TSC22D1: variants seen among roughly 807,000 people sequenced by gnomAD.
The protein encoded by TSC22D1 is TSC22 domain family member 1.
A neutral mutation model predicts 74.2 loss-of-function variants in TSC22D1; 9 were observed. That is an observed-to-expected ratio of 0.12 (90% confidence interval 0.07 to 0.21). The LOEUF (loss-of-function observed/expected upper bound fraction) is 0.21. TSC22D1 is among the 10% of genes least tolerant of loss of function. The pLI is 1.00. For missense variants in TSC22D1, 1,427 were observed against 1,304.7 expected (o/e 1.09, Z -1.44); for synonymous variants, 586 against 492.5 (o/e 1.19, Z -2.51).
chr13:44,464,470 G>T (rs1028476265), intron 1 of TSC22D1, among the ~76,000 whole-genome samples: 2 of 152,094 alleles, frequency 1.3e-5, no homozygotes, highest in African/African-American at 4.8e-5. Context: ...AATTTGTCTA[G>T]GATTACAGAT....
chr13:44,533,412 A>G (rs1044970315), intron 1 of TSC22D1, among the ~76,000 whole-genome samples: 5 of 149,600 alleles, frequency 3.3e-5, no homozygotes, highest in South Asian at 2.1e-4. Flanking sequence ...GTGAGCTGAG[A>G]TCTTGCCACT....
intron 1 of TSC22D1, among the ~76,000 whole-genome samples, chr13:44,488,499 C>T (rs1466079653): frequency 1.3e-5 from 2 of 152,062 alleles, no homozygotes; most frequent in Non-Finnish European, 2.9e-5. Context: ...ATAAGGCTAA[C>T]GTTGCATTTC....
intron 1 of TSC22D1, among the ~76,000 whole-genome samples, chr13:44,503,843 T>C (rs1173368516): frequency 6.6e-6 from 1 of 152,118 alleles, no homozygotes; most frequent in Non-Finnish European, 1.5e-5. Context: ...TTCTTGAATA[T>C]ATCTACATTT....
intron 1 of TSC22D1, among the ~76,000 whole-genome samples, chr13:44,494,734 A>C (rs551960122): frequency 2.6e-4 from 40 of 152,266 alleles, no homozygotes; most frequent in African/African-American, 8.9e-4. Context: ...AAAAAAGAAA[A>C]TATGACCCAT....
chr13:44,569,180 C>A (rs1256163343), intron 1 of TSC22D1, among the ~76,000 whole-genome samples: 2 of 152,042 alleles, frequency 1.3e-5, no homozygotes, highest in Non-Finnish European at 2.9e-5. Flanking sequence ...CTACTATTGT[C>A]ATCATTTTTT....
chr13:44,565,516 T>C (rs1233386084), intron 1 of TSC22D1, among the ~76,000 whole-genome samples: 1 of 152,126 alleles, frequency 6.6e-6, no homozygotes, highest in Non-Finnish European at 1.5e-5. Flanking sequence ...AAAAAGTTGT[T>C]ATAATTTTTT....
intron 1 of TSC22D1, among the ~76,000 whole-genome samples, chr13:44,508,058 G>T (rs1879518467): frequency 6.6e-6 from 1 of 152,210 alleles, no homozygotes; most frequent in South Asian, 2.1e-4. Context: ...AGTTATAATA[G>T]ATTTGGAGGG....
chr13:44,557,286 C>G (rs1882715015), intron 1 of TSC22D1, among the ~76,000 whole-genome samples: 1 of 151,740 alleles, frequency 6.6e-6, no homozygotes, highest in Non-Finnish European at 1.5e-5. Context: ...TGTGGTAAAA[C>G]CCTGTCTCTA....
intron 1 of TSC22D1, among the ~76,000 whole-genome samples, chr13:44,440,538 A>C (rs1875104760): frequency 6.9e-6 from 1 of 144,756 alleles, no homozygotes; most frequent in Non-Finnish European, 1.5e-5. Context: ...CAGTGAGCTG[A>C]GATCGCATCA....
At chr13:44,449,788 A>G (rs1191523841) in intron 1 of TSC22D1, among the ~76,000 whole-genome samples, 1 of 152,236 alleles carries the variant, frequency 6.6e-6, no homozygotes, top group Non-Finnish European at 1.5e-5. Context: ...CAACTACTGT[A>G]AAAGAAATGG....
At chr13:44,456,411 C>G (rs886766038) in intron 1 of TSC22D1, among the ~76,000 whole-genome samples, 3 of 152,082 alleles carry the variant, frequency 2.0e-5, no homozygotes, top group African/African-American at 7.2e-5. Context: ...CGTTTACAAA[C>G]CTTTAGCTAG....
At chr13:44,540,514 TGA>T (rs1881404260) in intron 1 of TSC22D1, among the ~76,000 whole-genome samples, 2 of 152,170 alleles carry the variant, frequency 1.3e-5, no homozygotes. Flanking sequence ...CTACTGTCAC[TGA>T]AAAGATTTAT....
chr13:44,477,436 A>G (rs1038618795), intron 1 of TSC22D1, among the ~76,000 whole-genome samples: 2 of 152,110 alleles, frequency 1.3e-5, no homozygotes, highest in African/African-American at 2.4e-5. Context: ...AACAATATAT[A>G]TTATTTATAT....
At chr13:44,484,326 G>T (rs967217447) in intron 1 of TSC22D1, among the ~76,000 whole-genome samples, 2 of 152,104 alleles carry the variant, frequency 1.3e-5, no homozygotes, top group African/African-American at 4.8e-5. Context: ...ATTTCTTACT[G>T]TAAAACCCTT....
chr13:44,550,231 T>C (rs1397545354), intron 1 of TSC22D1, among the ~76,000 whole-genome samples: 1 of 152,178 alleles, frequency 6.6e-6, no homozygotes, highest in Non-Finnish European at 1.5e-5. Flanking sequence ...TCTTAGTTTA[T>C]GTCTTTGAAA....
At chr13:44,502,042 A>G (rs7986856) in intron 1 of TSC22D1, among the ~76,000 whole-genome samples, 1,799 of 152,282 alleles carry the variant, frequency 0.012, 46 homozygotes, top group African/African-American at 0.039. Flanking sequence ...CTTTCTCATT[A>G]GAAGTTTTTA....
At chr13:44,515,805 T>G (rs1277323744) in intron 1 of TSC22D1, among the ~76,000 whole-genome samples, 1 of 152,186 alleles carries the variant, frequency 6.6e-6, no homozygotes, top group African/African-American at 2.4e-5. Context: ...AACTTAATAG[T>G]GGCTGCCTAG....
Position 44,574,873 on chromosome 13 carries a change from G to A in TSC22D1, c.1202C>T (p.Thr401Ile), listed in dbSNP as rs965004030. The change falls in exon 1 of 3, where the codon ACA becomes ATA. Residue 401 changes from threonine to isoleucine, a missense_variant. Around this residue, in one of 3 missense-constraint regions of TSC22D1, gnomAD observed 1,343 missense variants for 1,191.5 expected, o/e 1.13. Transcript: ENST00000458659. ...AACTCTGAACCTCGAAGTGTTAACT[G>A]TTGGTTGTTGCTGCTGACTTGAAAC... ...GSVSSQQQQP[T>I]VNTSRFRVVK... The A allele has an allele frequency of 2.5e-6, 4 of 1,614,172 alleles. No homozygotes were observed. The highest frequency in any genetic ancestry group is 3.4e-6 in the Non-Finnish European group (4 of 1,180,036).
intron 1 of TSC22D1, among the ~76,000 whole-genome samples, chr13:44,458,493 T>C (rs1876799626): frequency 6.6e-6 from 1 of 152,168 alleles, no homozygotes; most frequent in South Asian, 2.1e-4. Flanking sequence ...GCGGCGGGCA[T>C]TGCAGGCTCC....
Sources: allele counts gnomAD v4.1 joint callset (sites outside exome capture counted in the v4.1 genomes callset), GRCh38; gene constraint gnomAD v4.1.1; regional missense constraint gnomAD v4.1.1; transcripts MANE v1.5; gene names NCBI Gene and HGNC (gene_info 2026-07-23, HGNC 2026-07-21).